COMMD10: variants seen among roughly 807,000 people sequenced by gnomAD.
COMMD10 encodes COMM domain-containing protein 10.
A neutral mutation model predicts 28.9 loss-of-function variants in COMMD10; 33 were observed. The observed-to-expected ratio is 1.14, with a 90% CI of 0.87 to 1.53. The LOEUF (loss-of-function observed/expected upper bound fraction) is 1.53. Among genes scored for constraint, COMMD10 ranks in the 40% most tolerant of loss-of-function variants. COMMD10 has a pLI of 0.00. For missense variants in COMMD10, 310 were observed against 233.4 expected, an observed-to-expected ratio of 1.33 and a Z score of -2.14; for synonymous variants, 110 against 81.7, an observed-to-expected ratio of 1.35 and a Z score of -1.87.
intron 5 of COMMD10, among the ~76,000 whole-genome samples, chr5:116,163,580 A>G (rs749553862): frequency 6.6e-5 from 10 of 151,898 alleles, no homozygotes; most frequent in Non-Finnish European, 1.0e-4. Context: ...CAATAGCAAC[A>G]CTCTGTCTCC....
intron 5 of COMMD10, among the ~76,000 whole-genome samples, chr5:116,260,489 A>G (rs1750414585): frequency 6.6e-6 from 1 of 151,884 alleles, no homozygotes; most frequent in Admixed American, 6.6e-5. Context: ...TTATTTTCAA[A>G]AGTGCCATGG....
chr5:116,150,441 C>T (rs960436093), intron 5 of COMMD10, among the ~76,000 whole-genome samples: 3 of 152,044 alleles, frequency 2.0e-5, no homozygotes, highest in Non-Finnish European at 2.9e-5. Flanking sequence ...TATAAATTAC[C>T]TTGGGAAGTA....
intron 5 of COMMD10, among the ~76,000 whole-genome samples, chr5:116,146,748 G>A (rs1752362737): frequency 6.6e-6 from 1 of 151,776 alleles, no homozygotes; most frequent in Non-Finnish European, 1.5e-5. Context: ...TTATTTAGAG[G>A]AAGTTAAACT....
At chr5:116,164,055 G>A (rs1279724662) in intron 5 of COMMD10, among the ~76,000 whole-genome samples, 3 of 152,212 alleles carry the variant, frequency 2.0e-5, no homozygotes, top group East Asian at 1.9e-4. Context: ...GGTGGCTCAC[G>A]TCTGTAATCC....
At chr5:116,087,718 A>G (rs779977313) in intron 2 of COMMD10, 131 bp downstream of exon 2, 3 of 634,366 alleles carry the variant, frequency 4.7e-6, no homozygotes, top group Admixed American at 2.7e-5. Context: ...TCTGTGGAAG[A>G]TTTGGTAATG....
intron 5 of COMMD10, among the ~76,000 whole-genome samples, chr5:116,205,231 A>C (rs1748782065): frequency 6.6e-6 from 1 of 152,204 alleles, no homozygotes. Context: ...AAATGAAAGC[A>C]AACAGAATTT....
chr5:116,121,430 C>T (rs1004896700), intron 4 of COMMD10, among the ~76,000 whole-genome samples: 11 of 152,100 alleles, frequency 7.2e-5, no homozygotes, highest in Non-Finnish European at 1.5e-4. Context: ...AGAATAGTGC[C>T]GCAGTAAACA....
Position 116,260,432 on chromosome 5 carries a change from T to C in COMMD10, c.511-31085T>C, listed in dbSNP as rs892388474. 4.6e-5 allele frequency among the ~76,000 whole-genome samples: 7 copies of C among 151,964 alleles called. No individual in the cohort carries two copies. In the South Asian group the frequency reaches 1.4e-3, roughly 31 times the overall value. The stretch of plus-strand genomic sequence containing the variant: ...GATATTTTTATTTCATGGTAGCAAA[T>C]GGATTGTTTTGACATATTCAGTGTG... On this transcript the variant is annotated intron_variant, in intron 5 of 6. Coordinates refer to ENST00000274458, the MANE Select transcript of COMMD10 (RefSeq NM_016144.4).
At chr5:116,151,631 T>C (rs904378555) in intron 5 of COMMD10, among the ~76,000 whole-genome samples, 1 of 152,228 alleles carries the variant, frequency 6.6e-6, no homozygotes, top group African/African-American at 2.4e-5. Flanking sequence ...TTACATTTTC[T>C]AGTTTATTTG....
At chr5:116,263,898 C>G (rs1750515802) in intron 5 of COMMD10, among the ~76,000 whole-genome samples, 1 of 151,724 alleles carries the variant, frequency 6.6e-6, no homozygotes, top group East Asian at 1.9e-4. Flanking sequence ...CTCAGGACCT[C>G]CTGAGGGCTG....
At chr5:116,216,658 C>T (rs1054302172) in intron 5 of COMMD10, among the ~76,000 whole-genome samples, 12 of 152,192 alleles carry the variant, frequency 7.9e-5, no homozygotes, top group African/African-American at 2.4e-4. Flanking sequence ...CTCAGCCTCC[C>T]GAGTAGCTGG....
At chr5:116,154,860 A>T (rs1158072090) in intron 5 of COMMD10, among the ~76,000 whole-genome samples, 1 of 151,890 alleles carries the variant, frequency 6.6e-6, no homozygotes, top group Non-Finnish European at 1.5e-5. Flanking sequence ...TTTAGTGCAA[A>T]AGGTAATAAT....
chr5:116,151,995 G>A (rs1752543910), intron 5 of COMMD10, among the ~76,000 whole-genome samples: 1 of 152,116 alleles, frequency 6.6e-6, no homozygotes, highest in African/African-American at 2.4e-5. Context: ...TGGGTATTTA[G>A]TGCTATAAAT....
intron 5 of COMMD10, among the ~76,000 whole-genome samples, chr5:116,144,589 G>C (rs887445326): frequency 1.3e-5 from 2 of 149,248 alleles, no homozygotes; most frequent in Non-Finnish European, 3.0e-5. Context: ...TCAGTTTGTG[G>C]GACAGGAGAA....
chr5:116,270,177 A>T (rs1269780203), intron 5 of COMMD10, among the ~76,000 whole-genome samples: 2 of 151,788 alleles, frequency 1.3e-5, no homozygotes, highest in African/African-American at 4.9e-5. Context: ...AGGGAAGGAG[A>T]TGGGATGAAT....
At chr5:116,149,269 G>T (rs1281988613) in intron 5 of COMMD10, among the ~76,000 whole-genome samples, 1 of 142,152 alleles carries the variant, frequency 7.0e-6, no homozygotes, top group African/African-American at 2.8e-5. Flanking sequence ...TGGACATTTG[G>T]GTTGGTTCTA....
intron 5 of COMMD10, among the ~76,000 whole-genome samples, chr5:116,248,094 C>A (rs922860118): frequency 1.1e-4 from 17 of 151,482 alleles, no homozygotes; most frequent in Non-Finnish European, 2.1e-4. Flanking sequence ...ACCAAGAATA[C>A]CACTTTTACT....
At chr5:116,263,918 C>T (rs1467134282) in intron 5 of COMMD10, among the ~76,000 whole-genome samples, 1 of 151,750 alleles carries the variant, frequency 6.6e-6, no homozygotes, top group Non-Finnish European at 1.5e-5. Flanking sequence ...GTGTCACAAG[C>T]CATGGTCGCT....
At chr5:116,216,805 A>T (rs535900299) in intron 5 of COMMD10, among the ~76,000 whole-genome samples, 1 of 152,176 alleles carries the variant, frequency 6.6e-6, no homozygotes, top group Non-Finnish European at 1.5e-5. Context: ...AAGTGCTGGG[A>T]TTACAGGCGT....
Sources: allele counts gnomAD v4.1 joint callset (sites outside exome capture counted in the v4.1 genomes callset), GRCh38; gene constraint gnomAD v4.1.1; transcripts MANE v1.5; gene names NCBI Gene and HGNC (gene_info 2026-07-23, HGNC 2026-07-21).